The following CSMD1 variants were observed in gnomAD, a reference collection of about 807,000 sequenced individuals.
CSMD1 encodes CUB and Sushi multiple domains 1.
Under a neutral mutation model 417.5 loss-of-function variants are expected in CSMD1, and 213 were observed. The observed-to-expected ratio is 0.51, with a 90% confidence interval of 0.46 to 0.57. The LOEUF (loss-of-function observed/expected upper bound fraction) is 0.57. Among genes scored for constraint, CSMD1 ranks in the 20% least tolerant of loss-of-function variants. The pLI, the probability that CSMD1 is intolerant of heterozygous loss-of-function variation, is 0.00. For missense variants in CSMD1, 6,923 were observed against 4,529.7 expected, an observed-to-expected ratio of 1.53 and a Z score of -15.17; for synonymous variants, 2,862 against 1,736.8, an observed-to-expected ratio of 1.65 and a Z score of -16.11.
chr8:3,897,536 T>C (rs1807447162), intron 5 of CSMD1, among the ~76,000 whole-genome samples: 1 of 152,006 alleles, frequency 6.6e-6, no homozygotes, highest in Non-Finnish European at 1.5e-5. Context: ...GTGTACACTA[T>C]AAGTTATATA....
At chr8:4,407,481 T>C (rs1052843979) in intron 3 of CSMD1, among the ~76,000 whole-genome samples, 5 of 152,230 alleles carry the variant, frequency 3.3e-5, no homozygotes, top group African/African-American at 9.6e-5. Flanking sequence ...ATTTTGTATA[T>C]AATAAATTTC....
intron 23 of CSMD1, among the ~76,000 whole-genome samples, chr8:3,310,410 G>C (rs760356049): frequency 5.3e-5 from 8 of 152,178 alleles, no homozygotes; most frequent in Non-Finnish European, 8.8e-5. Flanking sequence ...CCCAGCATTG[G>C]GGATGACCAC....
intron 12 of CSMD1, among the ~76,000 whole-genome samples, chr8:3,437,911 C>G (rs927103572): frequency 2.0e-5 from 3 of 152,090 alleles, no homozygotes; most frequent in Non-Finnish European, 2.9e-5. Flanking sequence ...CCAGGCCTGG[C>G]TAATTCTTTA....
intron 1 of CSMD1, among the ~76,000 whole-genome samples, chr8:4,937,742 T>C (rs906091039): frequency 4.6e-5 from 7 of 152,042 alleles, no homozygotes; most frequent in African/African-American, 1.7e-4. Context: ...GTAAGATAAG[T>C]GTGATCTGAT....
chr8:3,508,367 G>A (rs546624979), intron 10 of CSMD1, among the ~76,000 whole-genome samples: 2 of 151,638 alleles, frequency 1.3e-5, no homozygotes, highest in African/African-American at 4.9e-5. Context: ...TGGGGCAGGG[G>A]GAGGGGGGAG....
At chr8:3,512,285 G>A (rs1403614699) in intron 10 of CSMD1, among the ~76,000 whole-genome samples, 1 of 152,212 alleles carries the variant, frequency 6.6e-6, no homozygotes, top group Non-Finnish European at 1.5e-5. Context: ...AAGCATTCTT[G>A]AAGATGCAGT....
At chr8:3,163,449 C>G (rs1362164114) in intron 37 of CSMD1, among the ~76,000 whole-genome samples, 3 of 151,692 alleles carry the variant, frequency 2.0e-5, no homozygotes, top group African/African-American at 2.4e-5. Context: ...CAGGTCCACT[C>G]AGGGGCAGTC....
intron 2 of CSMD1, among the ~76,000 whole-genome samples, chr8:4,507,366 T>C (rs1802582301): frequency 1.3e-5 from 2 of 152,174 alleles, no homozygotes; most frequent in South Asian, 4.1e-4. Context: ...GACTCTCCCA[T>C]TAGATAGTTG....
At chr8:4,186,025 T>A (rs1404887341) in intron 3 of CSMD1, among the ~76,000 whole-genome samples, 1 of 152,174 alleles carries the variant, frequency 6.6e-6, no homozygotes, top group Non-Finnish European at 1.5e-5. Context: ...TACAAATCCC[T>A]AGGTACATAG....
intron 3 of CSMD1, among the ~76,000 whole-genome samples, chr8:4,074,303 A>G (rs915877006): frequency 8.5e-5 from 13 of 152,136 alleles, no homozygotes; most frequent in Non-Finnish European, 1.6e-4. Flanking sequence ...ACAATGAAAG[A>G]AAATAAAAAC....
chr8:4,729,272 C>T (rs773919421), intron 1 of CSMD1, among the ~76,000 whole-genome samples: 1 of 152,006 alleles, frequency 6.6e-6, no homozygotes, highest in Non-Finnish European at 1.5e-5. Flanking sequence ...AATAAAAACC[C>T]GATCATTATA....
intron 3 of CSMD1, among the ~76,000 whole-genome samples, chr8:4,062,120 C>A (rs897141405): frequency 6.6e-6 from 1 of 152,042 alleles, no homozygotes; most frequent in African/African-American, 2.4e-5. Context: ...GGAGGGTCAG[C>A]AGAGGGTCAG....
chr8:3,955,799 T>C (rs573822174), intron 5 of CSMD1, among the ~76,000 whole-genome samples: 12 of 152,292 alleles, frequency 7.9e-5, no homozygotes, highest in African/African-American at 2.9e-4. Context: ...AAATCAATCA[T>C]ATCTCTGGTT....
intron 3 of CSMD1, among the ~76,000 whole-genome samples, chr8:4,198,077 G>T (rs146458536): frequency 1.3e-5 from 2 of 152,238 alleles, no homozygotes; most frequent in African/African-American, 4.8e-5. Flanking sequence ...AGCGCAAAGC[G>T]AGGGAAGTCT....
chr8:4,033,318 T>G (rs1315900139), intron 3 of CSMD1, among the ~76,000 whole-genome samples: 2 of 151,930 alleles, frequency 1.3e-5, no homozygotes, highest in Non-Finnish European at 2.9e-5. Flanking sequence ...GGCGGGCACC[T>G]GTAGTCCCAG....
chr8:3,260,785 A>G (rs1013236158), intron 26 of CSMD1, among the ~76,000 whole-genome samples: 15 of 152,186 alleles, frequency 9.9e-5, no homozygotes, highest in Non-Finnish European at 1.5e-4. Context: ...TAAAAGCCAA[A>G]ATGAATAAAT....
intron 3 of CSMD1, among the ~76,000 whole-genome samples, chr8:4,356,768 G>A (rs1355107883): frequency 6.6e-6 from 1 of 152,130 alleles, no homozygotes; most frequent in Non-Finnish European, 1.5e-5. Context: ...CTGGAACCGA[G>A]TTCTTCTCTC....
chr8:4,495,592 A>AG (rs398006969), intron 2 of CSMD1, among the ~76,000 whole-genome samples: 1 of 151,748 alleles, frequency 6.6e-6, no homozygotes, highest in Non-Finnish European at 1.5e-5. Flanking sequence ...AAGAAAAAAA[A>AG]GAATTGCTTT....
At chr8:4,103,742 G>C (rs1310388772) in intron 3 of CSMD1, among the ~76,000 whole-genome samples, 1 of 152,034 alleles carries the variant, frequency 6.6e-6, no homozygotes, top group East Asian at 1.9e-4. Context: ...CTTGATAGTA[G>C]GAAAAGCTGA....
Sources: allele counts gnomAD v4.1 joint callset (sites outside exome capture counted in the v4.1 genomes callset), GRCh38; gene constraint gnomAD v4.1.1; transcripts MANE v1.5; gene names NCBI Gene and HGNC (gene_info 2026-07-23, HGNC 2026-07-21).